Variants in SPPL3 observed in about 807,000 individuals in gnomAD.
SPPL3 encodes the protein signal peptide peptidase-like 3.
A neutral mutation model predicts 42.4 loss-of-function variants in SPPL3; 5 were observed. The observed-to-expected ratio is 0.12, with a 90% CI of 0.06 to 0.25. SPPL3 has a LOEUF of 0.25. Ranked by LOEUF, SPPL3 falls within the 10% of genes least tolerant of loss-of-function variation. The probability of loss-of-function intolerance (pLI) is 1.00; values close to 1 mark genes in which losing one functional copy is unlikely to be tolerated. For synonymous variants in SPPL3, 195 were observed against 181.8 expected, an observed-to-expected ratio of 1.07 and a Z score of -0.58; for missense variants, 235 against 489.0, an observed-to-expected ratio of 0.48 and a Z score of 4.90.
chr12:120,893,328 T>C (rs1873704876), intron 1 of SPPL3, among the ~76,000 whole-genome samples: 2 of 152,024 alleles, frequency 1.3e-5, no homozygotes, highest in Admixed American at 1.3e-4. Flanking sequence ...CGGGCGCCTG[T>C]AGTCCCAGCT....
chr12:120,858,408 A>T (rs559250904), intron 1 of SPPL3, among the ~76,000 whole-genome samples: 48 of 151,940 alleles, frequency 3.2e-4, no homozygotes, highest in African/African-American at 1.1e-3. Context: ...GTGAGCCAAG[A>T]TCGCAACATT....
chr12:120,808,927 T>C (rs1328856932), intron 2 of SPPL3, among the ~76,000 whole-genome samples: 1 of 152,158 alleles, frequency 6.6e-6, no homozygotes, highest in African/African-American at 2.4e-5. Flanking sequence ...AAAAATAAAA[T>C]ACTTGTCCAC....
At chr12:120,768,888 T>C (rs1312883851) in intron 7 of SPPL3, 65 bp downstream of exon 7, 13 of 1,398,608 alleles carry the variant, frequency 9.3e-6, no homozygotes, top group Non-Finnish European at 1.3e-5. Flanking sequence ...GTTAATAGTT[T>C]TCAGGCATGA....
intron 10 of SPPL3, among the ~76,000 whole-genome samples, chr12:120,765,362 A>G (rs1348061619): frequency 1.3e-5 from 2 of 151,688 alleles, no homozygotes; most frequent in Non-Finnish European, 2.9e-5. Flanking sequence ...ATCTCAGCTC[A>G]CTGCAACCTC....
intron 3 of SPPL3, among the ~76,000 whole-genome samples, chr12:120,787,065 A>G (rs1299362804): frequency 1.3e-5 from 2 of 152,222 alleles, no homozygotes; most frequent in African/African-American, 4.8e-5. Context: ...GACACTGAGC[A>G]ATAAAACCAA....
chr12:120,835,922 A>G (rs1871604680), intron 1 of SPPL3, among the ~76,000 whole-genome samples: 1 of 152,234 alleles, frequency 6.6e-6, no homozygotes, highest in Admixed American at 6.5e-5. Flanking sequence ...CTTCCCTTGC[A>G]ACAGAACTGT....
intron 6 of SPPL3, among the ~76,000 whole-genome samples, chr12:120,781,132 C>A (rs1869522132): frequency 6.6e-6 from 1 of 152,140 alleles, no homozygotes; most frequent in Non-Finnish European, 1.5e-5. Flanking sequence ...CCATGTAAAG[C>A]ACCTAGCAGA....
intron 1 of SPPL3, among the ~76,000 whole-genome samples, chr12:120,823,891 G>A (rs1459206624): frequency 1.4e-5 from 2 of 145,116 alleles, no homozygotes; most frequent in Non-Finnish European, 3.0e-5. Context: ...TTTTTTTTGA[G>A]ACGGAGTCTC....
chr12:120,765,128 C>A, intron 10 of SPPL3, 58 bp from the exon 11 acceptor site: 2 of 1,541,728 alleles, frequency 1.3e-6, no homozygotes, highest in Admixed American at 2.0e-5. Context: ...ACACAGCTGT[C>A]TGATTCTTTA....
intron 2 of SPPL3, among the ~76,000 whole-genome samples, chr12:120,802,445 T>TTG (rs1181131247): frequency 6.3e-4 from 88 of 139,298 alleles, no homozygotes; most frequent in Non-Finnish European, 1.1e-3. Flanking sequence ...TTTTTTTTTT[T>TTG]CCTTTTTGAG....
chr12:120,828,484 G>A (rs1270130291), intron 1 of SPPL3, among the ~76,000 whole-genome samples: 3 of 152,132 alleles, frequency 2.0e-5, no homozygotes, highest in Admixed American at 1.3e-4. Flanking sequence ...AGAAATCAAT[G>A]AGACTGAAAA....
At chr12:120,833,895 A>G (rs879642429) in intron 1 of SPPL3, among the ~76,000 whole-genome samples, 2 of 151,976 alleles carry the variant, frequency 1.3e-5, no homozygotes, top group Non-Finnish European at 2.9e-5. Context: ...GCGGGGCTAC[A>G]GCTGAAAACT....
intron 1 of SPPL3, among the ~76,000 whole-genome samples, chr12:120,834,497 A>C (rs571329607): frequency 1.3e-5 from 2 of 152,294 alleles, no homozygotes; most frequent in Admixed American, 1.3e-4. Flanking sequence ...AAACACCTTC[A>C]TAATCGGGAG....
At chr12:120,784,450 C>A in intron 4 of SPPL3, 24 bp downstream of exon 4, 1 of 1,571,452 alleles carries the variant, frequency 6.4e-7, no homozygotes, top group South Asian at 1.2e-5. Flanking sequence ...TATGTTAAGA[C>A]TAGACAGAGA....
In SPPL3 at chr12:120,784,459, G is replaced by A. The variant is rs769977741; in HGVS notation, c.310+15C>T. 3 of 1,579,358 alleles carry A rather than the reference G, an allele frequency of 1.9e-6. No homozygotes were observed. Among genetic ancestry groups the A allele is most frequent in the South Asian group, 1.2e-5 (1 of 84,174 alleles). ...TTTTAGTATGTTAAGACTAGACAGA[G>A]AAACTCATATTTACCTGCTGTACAT... On this transcript the variant is annotated intron_variant, in intron 4 of 10. Coordinates refer to ENST00000353487, the MANE Select transcript of SPPL3 (RefSeq NM_139015.5).
rs539604834 is a variant in SPPL3, at chr12:120,804,915, A to G, written c.101+5894T>C. Among the ~76,000 whole-genome samples, 235 of 152,366 alleles carry G rather than the reference A, an allele frequency of 1.5e-3. 1 individual carries two copies. Among genetic ancestry groups the G allele is most frequent in the African/African-American group, 5.5e-3 (227 of 41,596 alleles). On this transcript the variant is annotated intron_variant, in intron 2 of 10. Transcript: ENST00000353487. ...AGTAATAAAAAGGAATGAAATACTG[A>G]TAACATGCTACAACACAGATAAACT...
intron 1 of SPPL3, among the ~76,000 whole-genome samples, chr12:120,851,546 A>C (rs748961866): frequency 1.3e-5 from 2 of 151,994 alleles, no homozygotes; most frequent in African/African-American, 2.4e-5. Context: ...TGGGCACTCC[A>C]CCACTTCTCA....
chr12:120,820,003 G>A (rs1332919453), intron 1 of SPPL3, among the ~76,000 whole-genome samples: 3 of 152,072 alleles, frequency 2.0e-5, no homozygotes, highest in Non-Finnish European at 2.9e-5. Context: ...TATGAAAACC[G>A]TATGACCCTA....
At chr12:120,881,465 CAAAAAAA>C (rs374467556) in intron 1 of SPPL3, among the ~76,000 whole-genome samples, 1 of 53,018 alleles carries the variant, frequency 1.9e-5, no homozygotes, top group Non-Finnish European at 3.4e-5. Context: ...GAGACTGCCT[CAAAAAAA>C]AAAAAAAAAA....
Sources: gnomAD v4.1 joint callset for allele counts (sites outside exome capture counted in the v4.1 genomes callset) on GRCh38, gnomAD v4.1.1 for gene constraint, MANE v1.5 for transcripts, NCBI Gene and HGNC (gene_info 2026-07-23, HGNC 2026-07-21) for gene names.